Variants in ADGRL3 observed in about 807,000 individuals in gnomAD.
The protein encoded by ADGRL3 is calcium-independent alpha-latrotoxin receptor 3.
In ADGRL3, 62 loss-of-function variants were observed where a neutral mutation model predicts 153.5. The ratio of observed to expected loss-of-function variants is 0.40; its 90% CI spans 0.33 to 0.50. ADGRL3 has a LOEUF of 0.50. ADGRL3 is among the 20% of genes least tolerant of loss of function. The probability of loss-of-function intolerance (pLI) is 0.47; values close to 1 mark genes in which losing one functional copy is unlikely to be tolerated. For synonymous variants in ADGRL3, 710 were observed against 672.5 expected (o/e 1.06, Z -0.86); for missense variants, 1,641 against 1,859.4 (o/e 0.88, Z 2.16).
chr4:61,986,600 C>A (rs1026485014), intron 19 of ADGRL3, among the ~76,000 whole-genome samples: 2 of 152,022 alleles, frequency 1.3e-5, no homozygotes, highest in African/African-American at 4.8e-5. Context: ...TTAAAACAAG[C>A]CTTAATAATA....
chr4:61,756,988 T>C (rs1180663509), intron 8 of ADGRL3, among the ~76,000 whole-genome samples: 1 of 152,214 alleles, frequency 6.6e-6, no homozygotes, highest in Non-Finnish European at 1.5e-5. Context: ...TCATGGTGGA[T>C]AAGCTTTTTG....
intron 5 of ADGRL3, among the ~76,000 whole-genome samples, chr4:61,623,702 A>AC (rs983771224): frequency 6.6e-6 from 1 of 152,156 alleles, no homozygotes; most frequent in Non-Finnish European, 1.5e-5. Flanking sequence ...TTACTAGGCT[A>AC]TAGGGAGTCT....
intron 25 of ADGRL3, among the ~76,000 whole-genome samples, chr4:62,051,187 T>C (rs376113713): frequency 7.5e-6 from 1 of 134,158 alleles, no homozygotes; most frequent in Non-Finnish European, 1.6e-5. Flanking sequence ...TATATATATA[T>C]ATACATACAT....
intron 2 of ADGRL3, among the ~76,000 whole-genome samples, chr4:61,457,182 C>T (rs964679698): frequency 6.6e-6 from 1 of 151,682 alleles, no homozygotes; most frequent in Non-Finnish European, 1.5e-5. Context: ...TATAATGCCC[C>T]AATTTAATAC....
intron 2 of ADGRL3, among the ~76,000 whole-genome samples, chr4:61,448,988 C>T (rs1305443548): frequency 2.0e-5 from 3 of 151,796 alleles, no homozygotes; most frequent in Non-Finnish European, 1.5e-5. Context: ...ATATATGTTT[C>T]CTCCCTTTTA....
At chr4:61,771,197 G>T (rs1425755765) in intron 8 of ADGRL3, among the ~76,000 whole-genome samples, 1 of 152,124 alleles carries the variant, frequency 6.6e-6, no homozygotes, top group African/African-American at 2.4e-5. Flanking sequence ...TTAAGGAATG[G>T]AATTTTCCAC....
At chr4:61,466,694 A>T (rs537964682) in intron 2 of ADGRL3, among the ~76,000 whole-genome samples, 1 of 152,294 alleles carries the variant, frequency 6.6e-6, no homozygotes, top group East Asian at 1.9e-4. Context: ...CTCAATAAAT[A>T]TTTGTTGAAT....
chr4:61,389,266 C>T (rs2096775474), intron 2 of ADGRL3, among the ~76,000 whole-genome samples: 1 of 152,096 alleles, frequency 6.6e-6, no homozygotes, highest in Non-Finnish European at 1.5e-5. Context: ...ATTTAGAAGG[C>T]AGTTGATAGG....
chr4:61,880,680 G>A (rs937244591), intron 9 of ADGRL3, among the ~76,000 whole-genome samples: 1 of 152,104 alleles, frequency 6.6e-6, no homozygotes, highest in Non-Finnish European at 1.5e-5. Context: ...GTGGTAGAAT[G>A]ACTTAATTTA....
chr4:61,858,053 G>C (rs2098297757), intron 9 of ADGRL3, among the ~76,000 whole-genome samples: 1 of 152,192 alleles, frequency 6.6e-6, no homozygotes, highest in Non-Finnish European at 1.5e-5. Context: ...TTATTGAAAG[G>C]AACAGAGGCC....
At chr4:61,633,247 T>G (rs2093272325) in intron 5 of ADGRL3, among the ~76,000 whole-genome samples, 1 of 84,042 alleles carries the variant, frequency 1.2e-5, no homozygotes, top group Non-Finnish European at 2.7e-5. Context: ...TTTTAAAGTG[T>G]GAGTATTGTT....
At chr4:61,770,931 G>C (rs1401512287) in intron 8 of ADGRL3, among the ~76,000 whole-genome samples, 2 of 152,130 alleles carry the variant, frequency 1.3e-5, no homozygotes, top group Non-Finnish European at 2.9e-5. Context: ...AGCTCAACTA[G>C]ATTTGGGTTC....
intron 1 of ADGRL3, among the ~76,000 whole-genome samples, chr4:61,206,286 G>A (rs544837542): frequency 9.3e-4 from 142 of 152,202 alleles, no homozygotes; most frequent in Non-Finnish European, 1.7e-3. Flanking sequence ...TATTGTGGAT[G>A]GTAATCCTAC....
chr4:62,004,542 T>G (rs938170078), intron 21 of ADGRL3, among the ~76,000 whole-genome samples: 1 of 151,972 alleles, frequency 6.6e-6, no homozygotes, highest in Non-Finnish European at 1.5e-5. Flanking sequence ...AATATTAGCT[T>G]ATATCTCTAT....
chr4:62,011,599 C>G (rs955272946), intron 21 of ADGRL3, among the ~76,000 whole-genome samples: 1 of 152,008 alleles, frequency 6.6e-6, no homozygotes. Flanking sequence ...GACCTTCCTA[C>G]TTTTGCTGTT....
intron 5 of ADGRL3, among the ~76,000 whole-genome samples, chr4:61,660,503 G>A (rs2094564163): frequency 6.6e-6 from 1 of 151,886 alleles, no homozygotes; most frequent in Non-Finnish European, 1.5e-5. Flanking sequence ...TTATTTATTT[G>A]CAAGGAGATC....
chr4:61,889,229 A>G (rs1306393422), intron 9 of ADGRL3, among the ~76,000 whole-genome samples: 1 of 152,248 alleles, frequency 6.6e-6, no homozygotes, highest in Non-Finnish European at 1.5e-5. Context: ...TAGAAATAAC[A>G]TCCAAGCTAA....
At chr4:61,272,476 T>C (rs1283033120) in intron 1 of ADGRL3, among the ~76,000 whole-genome samples, 2 of 152,134 alleles carry the variant, frequency 1.3e-5, no homozygotes. Flanking sequence ...TTTTATGTAA[T>C]GAGGACTATA....
intron 5 of ADGRL3, among the ~76,000 whole-genome samples, chr4:61,664,552 A>G (rs1357684625): frequency 2.6e-5 from 4 of 152,170 alleles, no homozygotes; most frequent in East Asian, 1.9e-4. Context: ...TTAAATTTCA[A>G]TATGGATTTT....
Sources: gnomAD v4.1 joint callset for allele counts (sites outside exome capture counted in the v4.1 genomes callset) on GRCh38, gnomAD v4.1.1 for gene constraint, MANE v1.5 for transcripts, NCBI Gene and HGNC (gene_info 2026-07-23, HGNC 2026-07-21) for gene names.